Variants in CCDC86 observed in about 807,000 individuals in gnomAD.
CCDC86 encodes the protein coiled-coil domain containing 86.
Under a neutral mutation model 36.7 loss-of-function variants are expected in CCDC86, and 28 were observed. The ratio of observed to expected loss-of-function variants is 0.76; its 90% CI spans 0.57 to 1.05. The LOEUF (loss-of-function observed/expected upper bound fraction) is 1.05, where lower values mean the gene tolerates loss of function less well. Ranked by LOEUF, CCDC86 falls within the 50% of genes least tolerant of loss-of-function variation. The pLI, the probability that CCDC86 is intolerant of heterozygous loss-of-function variation, is 0.00. For missense variants in CCDC86, 453 were observed against 470.2 expected, an observed-to-expected ratio of 0.96 and a Z score of 0.34; for synonymous variants, 199 against 203.4, an observed-to-expected ratio of 0.98 and a Z score of 0.18.
intron 1 of CCDC86, among the ~76,000 whole-genome samples, chr11:60,846,324 C>G (rs566489981): frequency 3.5e-4 from 53 of 152,318 alleles, no homozygotes; most frequent in African/African-American, 9.9e-4. Flanking sequence ...AATCAGGGAG[C>G]TGGGGCCAGA....
At chr11:60,847,733 C>T in intron 1 of CCDC86, 191 bp from the exon 2 acceptor site, 1 of 578,878 alleles carries the variant, frequency 1.7e-6, no homozygotes, top group Non-Finnish European at 2.9e-6. Flanking sequence ...TGAGAAATGG[C>T]AGCCAGCACG....
At chr11:60,845,299 GAGC>G (rs1855169453) in intron 1 of CCDC86, among the ~76,000 whole-genome samples, 3 of 152,232 alleles carry the variant, frequency 2.0e-5, no homozygotes, top group African/African-American at 7.2e-5. Context: ...TTTCCTGAGT[GAGC>G]TTGGGAGCCA....
chr11:60,847,835 G>T, intron 1 of CCDC86, 89 bp from the exon 2 acceptor site: 1 of 1,439,012 alleles, frequency 6.9e-7, no homozygotes, highest in Non-Finnish European at 9.3e-7. Flanking sequence ...CTCTGGGGAA[G>T]AAGGTCCAGA....
Position 60,850,744 on chromosome 11 carries a change from T to C in CCDC86, c.*419T>C. 1 of 169,346 alleles carries C rather than the reference T, an allele frequency of 5.9e-6. No homozygotes were observed. Among genetic ancestry groups the C allele is most frequent in the Non-Finnish European group, 1.3e-5 (1 of 78,682 alleles). 10.5% of individuals were successfully genotyped at this position (169,346 alleles called of 1,614,324 possible). ...TGGGAATCCAGCTTCCCCCACACCTTCCCAAAGGCTGCTCTGAGCACCTCC... is the reference window on the plus strand; with the variant it reads ...TGGGAATCCAGCTTCCCCCACACCTCCCCAAAGGCTGCTCTGAGCACCTCC... On this transcript the variant is annotated 3_prime_UTR_variant, in exon 4 of 4. Coordinates refer to ENST00000227520, the MANE Select transcript of CCDC86 (RefSeq NM_024098.4).
chr11:60,843,601 C>G (rs934048006), intron 1 of CCDC86, among the ~76,000 whole-genome samples: 5 of 152,202 alleles, frequency 3.3e-5, no homozygotes, highest in African/African-American at 1.2e-4. Context: ...CGAGATCTTT[C>G]TTGTCTTTCT....
At chr11:60,848,278 G>A (rs937370476) in intron 2 of CCDC86, among the ~76,000 whole-genome samples, 3 of 152,134 alleles carry the variant, frequency 2.0e-5, no homozygotes, top group South Asian at 4.1e-4. Context: ...GTTTAGCCTG[G>A]GCTGCTGAAA....
At position 60,842,540 on chromosome 11, in the gene CCDC86, C is replaced by T. The variant is rs1457993546; in HGVS notation, c.416C>T (p.Ala139Val). The T allele has an allele frequency of 3.1e-6, 5 of 1,613,630 alleles. No homozygotes were observed. Among genetic ancestry groups the T allele is most frequent in the Non-Finnish European group, 4.2e-6 (5 of 1,179,972 alleles). Residue 139 changes from alanine (A) to valine (V), a missense_variant, in exon 1 of 4, where the codon GCC (alanine) becomes GTC (valine). Physicochemically the swap from Ala to Val is moderately conservative, Grantham distance 64. Coordinates refer to ENST00000227520, the MANE Select transcript of CCDC86 (RefSeq NM_024098.4). ...CAGGGAGTACTGGCCTCGGAGTTGGCCCAGAATAAGGAGGAGCTGACCCCG... is the reference window on the plus strand; with the variant it reads ...CAGGGAGTACTGGCCTCGGAGTTGGTCCAGAATAAGGAGGAGCTGACCCCG... The part of the protein sequence containing the change: ...QDQGVLASEL[A>V]QNKEELTPGA...
intron 1 of CCDC86, among the ~76,000 whole-genome samples, chr11:60,845,691 G>A (rs1855175426): frequency 6.6e-6 from 1 of 152,264 alleles, no homozygotes; most frequent in South Asian, 2.1e-4. Context: ...CCTTGGGCAT[G>A]CTGTCTGCCT....
chr11:60,849,868 C>G, intron 2 of CCDC86, 72 bp from the exon 3 acceptor site: 11 of 1,332,484 alleles, frequency 8.3e-6, no homozygotes, highest in Non-Finnish European at 1.2e-5. Flanking sequence ...CCCGCTCGCA[C>G]TCTTCTGGGG....
chr11:60,849,515 T>C lies in CCDC86; in HGVS notation c.889-425T>C, dbSNP rs765324350. Among the ~76,000 whole-genome samples the C allele has an allele frequency of 3.8e-4, 58 of 152,250 alleles. 1 individual carries two copies. Among genetic ancestry groups the C allele is most frequent in the Middle Eastern group, 6.8e-3 (2 of 294 alleles). On this transcript the variant is annotated intron_variant, in intron 2 of 3. Coordinates refer to ENST00000227520, the MANE Select transcript of CCDC86 (RefSeq NM_024098.4). ...AGGGACCCAGCCCTCACCCCTAGCC[T>C]GGCATTCTGCAGCAGCAGGACTCCA...
At chr11:60,844,624 CTTTATG>C (rs1447154640) in intron 1 of CCDC86, among the ~76,000 whole-genome samples, 1 of 152,242 alleles carries the variant, frequency 6.6e-6, no homozygotes, top group East Asian at 1.9e-4. Flanking sequence ...AGTCCCCATG[CTTTATG>C]TTATCATTGT....
intron 1 of CCDC86, 56 bp from the exon 2 acceptor site, chr11:60,847,868 G>C: frequency 6.5e-7 from 1 of 1,550,010 alleles, no homozygotes; most frequent in African/African-American, 1.4e-5. Context: ...GAGGAGACAG[G>C]GCATGGGTGG....
Position 60,842,817 on chromosome 11 carries a change from G to A in CCDC86, c.693G>A (p.Glu231=). The change falls in exon 1 of 4, where the codon GAG becomes GAA. Residue 231 remains glutamate (E), a synonymous_variant. Coordinates refer to ENST00000227520, the MANE Select transcript of CCDC86 (RefSeq NM_024098.4). ...APASKKLNKE[E]LPVIPKGKPK... The stretch of plus-strand genomic sequence containing the variant: ...CGTCCAAGAAGTTGAATAAAGAGGA[G>A]CTTCCTGTAATCCCGAAGGGGAAGC... The A allele has an allele frequency of 6.2e-7, 1 of 1,605,920 alleles. No individual in the cohort carries two copies. Among genetic ancestry groups the A allele is most frequent in the Non-Finnish European group, 8.5e-7 (1 of 1,174,824 alleles).
chr11:60,849,806 C>A, intron 2 of CCDC86, 134 bp from the exon 3 acceptor site: 1 of 756,374 alleles, frequency 1.3e-6, no homozygotes, highest in East Asian at 2.7e-5. Flanking sequence ...CCACACATCA[C>A]CAACCTGGAG....
Position 60,842,751 on chromosome 11 carries a change from C to CGG in CCDC86, c.630_631dup (p.Ala211GlyfsTer18). ...CTGGGGAGACGGTGACAGGCGGCTTCGGGGCAAAGAAGCGAAAAGGTTCTT... is the reference window on the plus strand; with the variant it reads ...CTGGGGAGACGGTGACAGGCGGCTTCGGGGGGCAAAGAAGCGAAAAGGTTCTT... On this transcript the variant is annotated frameshift_variant, in exon 1 of 4. Transcript: ENST00000227520. LOFTEE classifies it high-confidence loss of function. 1 of 1,613,500 alleles carries CGG rather than the reference C, an allele frequency of 6.2e-7. No individual in the cohort carries two copies. The highest frequency in any genetic ancestry group is 8.5e-7 in the Non-Finnish European group (1 of 1,179,546).
rs763971431 is a variant in CCDC86 at position 60,842,155 on chromosome 11, C to T, written c.31C>T (p.Leu11=). The T allele has an allele frequency of 1.3e-5, 21 of 1,602,050 alleles. No homozygotes were observed. Among genetic ancestry groups the T allele is most frequent in the African/African-American group, 8.1e-5 (6 of 74,132 alleles). ...TACACCGTTAAGGCGCAGCCGACGG[C>T]TGGGAGGCCTAAGGCCCGAATCCCC... The part of the protein sequence containing the change: MDTPLRRSRR[L]GGLRPESPES... Residue 11 remains leucine (L), a synonymous_variant, in exon 1 of 4, where the codon CTG becomes TTG. Coordinates refer to ENST00000227520, the MANE Select transcript of CCDC86 (RefSeq NM_024098.4).
At chr11:60,849,811 C>A in intron 2 of CCDC86, 129 bp from the exon 3 acceptor site, 1 of 778,026 alleles carries the variant, frequency 1.3e-6, no homozygotes, top group Non-Finnish European at 2.2e-6. Context: ...CATCACCAAC[C>A]TGGAGCCTGG....
In CCDC86 at chr11:60,850,494, C is replaced by T; in HGVS notation, c.*169C>T. 4.8e-6 allele frequency: 4 copies of T among 832,198 alleles called. No homozygotes were observed. Among genetic ancestry groups the T allele is most frequent in the Non-Finnish European group, 7.2e-6 (4 of 555,896 alleles). 51.6% of individuals were successfully genotyped at this position (832,198 alleles called of 1,614,324 possible). A position where few individuals can be genotyped will look rare whatever the true frequency, so the allele number is the denominator to read the frequency against. ...GGCCTTTGAAGGCTTCCAGGCAGGT[C>T]TGTGTGGGACAGAAGCCCAGAGGGG... On this transcript the variant is annotated 3_prime_UTR_variant, in exon 4 of 4. Transcript: ENST00000227520.
At chr11:60,844,634 T>C (rs1855161733) in intron 1 of CCDC86, among the ~76,000 whole-genome samples, 1 of 152,270 alleles carries the variant, frequency 6.6e-6, no homozygotes, top group South Asian at 2.1e-4. Flanking sequence ...CTTTATGTTA[T>C]CATTGTGTGC....
Sources: gnomAD v4.1 joint callset for allele counts (sites outside exome capture counted in the v4.1 genomes callset) on GRCh38, gnomAD v4.1.1 for gene constraint, MANE v1.5 for transcripts, NCBI Gene and HGNC (gene_info 2026-07-23, HGNC 2026-07-21) for gene names.